Variants in OR2C1 observed in about 807,000 individuals in gnomAD.
OR2C1 encodes olfactory receptor 2C1.
For synonymous variants in OR2C1, 209 were observed against 167.3 expected (o/e 1.25, Z -1.92); for missense variants, 468 against 388.3 (o/e 1.21, Z -1.73).
chr16:3,344,228 AC>A, the OR2C1 span, among the ~76,000 whole-genome samples: 2 of 152,122 alleles, frequency 1.3e-5, no homozygotes, highest in African/African-American at 2.4e-5. Context: ...TTTAAAAAAA[AC>A]AAAACAAAAC....
At chr16:3,336,496 G>A in the OR2C1 span, among the ~76,000 whole-genome samples, 1 of 151,684 alleles carries the variant, frequency 6.6e-6, no homozygotes. Context: ...TGAGTAGCTG[G>A]GACTACAGGC....
rs2150853077 is a variant in OR2C1 at position 3,356,956 on chromosome 16, A to G, written c.*77A>G. On this transcript the variant is annotated 3_prime_UTR_variant, in exon 1 of 1. Transcript: ENST00000304936. ...ATTAACTCTCTCTGGCCAGGTGAAC[A>G]TGAGGAATACTAATTCCGGTAAAAC... is the stretch of plus-strand genomic sequence containing the variant. The G allele has an allele frequency of 1.6e-6, 2 of 1,254,666 alleles. No individual in the cohort carries two copies. The highest frequency in any genetic ancestry group is 1.6e-5 in the South Asian group (1 of 64,392). 77.7% of individuals were successfully genotyped at this position (1,254,666 alleles called of 1,614,324 possible).
the OR2C1 span, among the ~76,000 whole-genome samples, chr16:3,327,177 C>T: frequency 3.3e-5 from 5 of 151,694 alleles, no homozygotes; most frequent in East Asian, 7.7e-4. Flanking sequence ...TATAATGAAC[C>T]CCCTCAAGGC....
At chr16:3,335,520 CTTTTTTTTT>C in the OR2C1 span, among the ~76,000 whole-genome samples, 75 of 55,454 alleles carry the variant, frequency 1.4e-3, 1 homozygote, top group African/African-American at 5.2e-3. Flanking sequence ...AATGCTACTG[CTTTTTTTTT>C]TTTTTTTTTT....
At chr16:3,345,342 C>T in the OR2C1 span, among the ~76,000 whole-genome samples, 816 of 151,788 alleles carry the variant, frequency 5.4e-3, 13 homozygotes, top group Admixed American at 0.035. Context: ...AAAAATTAGC[C>T]GGGCGTGATG....
At chr16:3,351,381 G>C (rs1282495242), upstream of OR2C1, among the ~76,000 whole-genome samples, 2 of 151,770 alleles carry the variant, frequency 1.3e-5, no homozygotes, top group Non-Finnish European at 2.9e-5. Context: ...TAGAGAAGGA[G>C]AAGGAGAGCA....
the OR2C1 span, among the ~76,000 whole-genome samples, chr16:3,330,028 C>T: frequency 3.0e-4 from 46 of 152,208 alleles, no homozygotes; most frequent in African/African-American, 1.1e-3. Context: ...GCTGGGATTA[C>T]AGGCATGAGC....
chr16:3,333,211 ATTTTTTTTTTTTTTTTTTTTTT>A, the OR2C1 span, among the ~76,000 whole-genome samples: 8 of 65,856 alleles, frequency 1.2e-4, no homozygotes, highest in African/African-American at 1.9e-4. Context: ...TCTTTTGCCC[ATTTTTTTTTTTTTTTTTTTTTT>A]TTTTTTTTTT....
At chr16:3,323,548 C>CT in the OR2C1 span, 4 of 753,758 alleles carry the variant, frequency 5.3e-6, no homozygotes, top group Non-Finnish European at 9.7e-6. Flanking sequence ...TTTTTAGGTT[C>CT]TGGGGGGTGA....
the OR2C1 span, among the ~76,000 whole-genome samples, chr16:3,327,680 A>G: frequency 0.075 from 11,352 of 151,478 alleles, 636 homozygotes; most frequent in African/African-American, 0.15. Context: ...TGCACTTTTA[A>G]CAAGCCTCAG....
At chr16:3,343,550 G>C in the OR2C1 span, among the ~76,000 whole-genome samples, 1 of 152,168 alleles carries the variant, frequency 6.6e-6, no homozygotes, top group African/African-American at 2.4e-5. Context: ...TCAGTAGTTT[G>C]AGAACAGCCT....
chr16:3,353,971 T>G (rs953844690), upstream of OR2C1, among the ~76,000 whole-genome samples: 24 of 116,918 alleles, frequency 2.1e-4, no homozygotes, highest in African/African-American at 8.1e-4. Flanking sequence ...TTGTTTGTTT[T>G]TCTTTTCTTT....
chr16:3,334,864 G>A, the OR2C1 span, among the ~76,000 whole-genome samples: 1 of 151,556 alleles, frequency 6.6e-6, no homozygotes, highest in African/African-American at 2.4e-5. Context: ...TGTTGCCCAG[G>A]CTGGAGTGCA....
the OR2C1 span, chr16:3,323,679 C>G: frequency 2.9e-6 from 2 of 685,586 alleles, no homozygotes; most frequent in Non-Finnish European, 5.2e-6. Flanking sequence ...GAATGTTTAT[C>G]TGGCAATTCC....
chr16:3,338,385 T>C, the OR2C1 span, among the ~76,000 whole-genome samples: 1 of 152,078 alleles, frequency 6.6e-6, no homozygotes, highest in Admixed American at 6.6e-5. Context: ...ACCTTGATCT[T>C]TTATCTTCCA....
At chr16:3,355,101 T>G (rs888355943), upstream of OR2C1, among the ~76,000 whole-genome samples, 2 of 152,124 alleles carry the variant, frequency 1.3e-5, no homozygotes, top group African/African-American at 4.8e-5. Context: ...AGCTCATACC[T>G]GACATTCTGA....
the OR2C1 span, among the ~76,000 whole-genome samples, chr16:3,348,087 C>A: frequency 6.6e-6 from 1 of 152,152 alleles, no homozygotes; most frequent in Non-Finnish European, 1.5e-5. Flanking sequence ...ATGAGGGCTA[C>A]TAGTGTAAAT....
upstream of OR2C1, among the ~76,000 whole-genome samples, chr16:3,353,317 C>T (rs2030603442): frequency 6.6e-6 from 1 of 150,984 alleles, no homozygotes; most frequent in Non-Finnish European, 1.5e-5. Flanking sequence ...TGGTCAAAAC[C>T]CCATCTCTAC....
the OR2C1 span, among the ~76,000 whole-genome samples, chr16:3,332,660 T>C: frequency 3.9e-5 from 6 of 152,006 alleles, no homozygotes; most frequent in Non-Finnish European, 7.3e-5. Context: ...GTTCCATCTG[T>C]GATGCTACAA....
Sources: gnomAD v4.1 joint callset for allele counts (sites outside exome capture counted in the v4.1 genomes callset) on GRCh38, gnomAD v4.1.1 for gene constraint, MANE v1.5 for transcripts, NCBI Gene and HGNC (gene_info 2026-07-23, HGNC 2026-07-21) for gene names.